LMNTD1: variants seen among roughly 807,000 people sequenced by gnomAD.
LMNTD1 encodes lamin tail domain-containing protein 1.
In LMNTD1, 35 loss-of-function variants were observed where a neutral mutation model predicts 50.9. That is an observed-to-expected ratio of 0.69 (90% confidence interval 0.53 to 0.91). The LOEUF (loss-of-function observed/expected upper bound fraction) is 0.91, where lower values mean the gene tolerates loss of function less well. Among genes scored for constraint, LMNTD1 ranks in the 40% least tolerant of loss-of-function variants. The pLI is 0.00. For missense variants in LMNTD1, 470 were observed against 475.5 expected (o/e 0.99, Z 0.11); for synonymous variants, 153 against 161.9 (o/e 0.94, Z 0.42).
intron 8 of LMNTD1, among the ~76,000 whole-genome samples, chr12:25,512,299 A>C (rs1456229745): frequency 6.6e-6 from 1 of 152,214 alleles, no homozygotes; most frequent in East Asian, 1.9e-4. Flanking sequence ...GCAGCAAAAA[A>C]CGAGACAATA....
At chr12:25,606,032 T>C (rs2136521478) in intron 1 of LMNTD1, among the ~76,000 whole-genome samples, 1 of 152,326 alleles carries the variant, frequency 6.6e-6, no homozygotes, top group East Asian at 1.9e-4. Flanking sequence ...GTAGTTCTCC[T>C]TCAAGAGGTC....
At chr12:25,613,261 C>T (rs1019267678) in intron 1 of LMNTD1, among the ~76,000 whole-genome samples, 3 of 152,200 alleles carry the variant, frequency 2.0e-5, no homozygotes, top group African/African-American at 7.2e-5. Context: ...TCCTGTTCTT[C>T]TTCTAGACTT....
chr12:25,533,080 T>C (rs1333066067), intron 4 of LMNTD1, among the ~76,000 whole-genome samples: 1 of 152,222 alleles, frequency 6.6e-6, no homozygotes, highest in Non-Finnish European at 1.5e-5. Context: ...TTTTATTTTA[T>C]GCATATACAT....
intron 1 of LMNTD1, among the ~76,000 whole-genome samples, chr12:25,608,325 C>A (rs1411951602): frequency 6.6e-6 from 1 of 152,142 alleles, no homozygotes; most frequent in Non-Finnish European, 1.5e-5. Context: ...GCATTTAGCC[C>A]ATTTACATTT....
At chr12:25,576,562 G>C (rs942145273) in intron 1 of LMNTD1, among the ~76,000 whole-genome samples, 3 of 152,104 alleles carry the variant, frequency 2.0e-5, no homozygotes, top group African/African-American at 7.2e-5. Context: ...TTGTAAATTT[G>C]TTTAAGTTCT....
At chr12:25,502,145 G>A (rs1483129761) in intron 9 of LMNTD1, among the ~76,000 whole-genome samples, 1 of 152,044 alleles carries the variant, frequency 6.6e-6, no homozygotes, top group Non-Finnish European at 1.5e-5. Context: ...GATCAACGAA[G>A]GCTAAAAACC....
chr12:25,476,339 T>C lies in LMNTD1; in HGVS notation c.*144A>G, dbSNP rs965485255. The C allele has an allele frequency of 5.3e-5, 8 of 152,216 alleles. No individual in the cohort carries two copies. Among genetic ancestry groups the C allele is most frequent in the African/African-American group, 1.9e-4 (8 of 41,450 alleles). The allele number at this position is 152,216 out of a possible 1,614,324, so 9.4% of individuals were successfully genotyped here. A position where few individuals can be genotyped will look rare whatever the true frequency, so the allele number is the denominator to read the frequency against. On this transcript the variant is annotated 3_prime_UTR_variant, in exon 10 of 10. Coordinates refer to ENST00000458174, the MANE Select transcript of LMNTD1 (RefSeq NM_001145728.2). ...CAGCAATACAAATTTTGGATCCTTT[T>C]TCCATATAGAAATGTGATGTCTTCA...
At position 25,600,292 on chromosome 12, in the gene LMNTD1, C is replaced by G. The variant is rs61313078; in HGVS notation, c.58+48202G>C. Among the ~76,000 whole-genome samples, 1,301 of 151,868 alleles carry G rather than the reference C, an allele frequency of 8.6e-3. 23 individuals are homozygous for G. The highest frequency in any genetic ancestry group is 0.063 in the East Asian group (328 of 5,182). ...CCCTATCTCTCACCACATACAAAAC[C>G]ACAATCAAAATGAATTACGGACTTA... On this transcript the variant is annotated intron_variant, in intron 1 of 7. Coordinates refer to the LMNTD1 transcript ENST00000445693.
At position 25,543,634 on chromosome 12, in the gene LMNTD1, G is replaced by GTT. The variant is rs59112716; in HGVS notation, c.491+2738_491+2739dup. 6.9e-5 allele frequency among the ~76,000 whole-genome samples: 10 copies of GTT among 145,862 alleles called. No individual in the cohort carries two copies. The South Asian group carries it at 1.3e-3, about 19-fold the overall frequency. The stretch of plus-strand genomic sequence containing the variant: ...CTTTTCTTCTACTAATTTTCAGTTT[G>GTT]TTTTTTTTTTCTTGCTTTCCTAGTT... On this transcript the variant is annotated intron_variant, in intron 4 of 9. Transcript: ENST00000458174.
intron 9 of LMNTD1, among the ~76,000 whole-genome samples, chr12:25,490,824 T>C (rs1938858027): frequency 6.6e-6 from 1 of 151,968 alleles, no homozygotes; most frequent in Admixed American, 6.6e-5. Flanking sequence ...AGGAAGAGAG[T>C]TAAAATGTGG....
intron 7 of LMNTD1, among the ~76,000 whole-genome samples, chr12:25,519,600 A>AAAAAAAT (rs1186342427): frequency 6.8e-6 from 1 of 147,098 alleles, no homozygotes; most frequent in Admixed American, 6.8e-5. Context: ...AAAAAAAAAA[A>AAAAAAAT]AAAAAAAAGT....
chr12:25,646,023 G>A (rs115409609), intron 1 of LMNTD1, among the ~76,000 whole-genome samples: 1 of 152,092 alleles, frequency 6.6e-6, no homozygotes, highest in African/African-American at 2.4e-5. Flanking sequence ...ATCCTGGGTT[G>A]GTTATTGCAT....
chr12:25,478,095 G>A (rs770899173), intron 9 of LMNTD1, among the ~76,000 whole-genome samples: 2 of 152,016 alleles, frequency 1.3e-5, no homozygotes, highest in African/African-American at 2.4e-5. Flanking sequence ...ATTAAGGGTG[G>A]GTTTGCCTTT....
Position 25,526,818 on chromosome 12 carries a change from A to G in LMNTD1, c.629T>C (p.Leu210Ser). 1 of 1,612,926 alleles carries G rather than the reference A, an allele frequency of 6.2e-7. No individual in the cohort carries two copies. The highest frequency in any genetic ancestry group is 8.5e-7 in the Non-Finnish European group (1 of 1,179,378). The change falls in exon 5 of 10, where the codon TTG becomes TCG. Residue 210 changes from leucine (L) to serine (S), a missense_variant. Transcript: ENST00000458174. Reference protein sequence around the residue: ...QQNVNGQTISLYRFLPNIVMQ... With the variant: ...QQNVNGQTISSYRFLPNIVMQ... ...TACGATGTTTGGAAGGAATCGGTAC[A>G]AAGAAATGGTTTGTCCATTCACATT...
chr12:25,591,858 A>AGAGG (rs1945710122), intron 1 of LMNTD1, among the ~76,000 whole-genome samples: 1 of 146,020 alleles, frequency 6.8e-6, no homozygotes, highest in Non-Finnish European at 1.5e-5. Context: ...AGAGAGAGAG[A>AGAGG]CTCTATTTAT....
chr12:25,636,503 G>A (rs1337932548), intron 1 of LMNTD1, among the ~76,000 whole-genome samples: 4 of 152,192 alleles, frequency 2.6e-5, no homozygotes, highest in African/African-American at 9.7e-5. Flanking sequence ...CATGGATGCA[G>A]TGATCAGGGA....
intron 6 of LMNTD1, among the ~76,000 whole-genome samples, chr12:25,523,580 A>C (rs1384119036): frequency 1.3e-5 from 2 of 152,204 alleles, no homozygotes; most frequent in Admixed American, 6.5e-5. Flanking sequence ...ATGAGAAGGC[A>C]GTAAATTGTC....
chr12:25,496,653 C>T (rs1181161719), intron 9 of LMNTD1, among the ~76,000 whole-genome samples: 1 of 152,190 alleles, frequency 6.6e-6, no homozygotes, highest in Admixed American at 6.5e-5. Flanking sequence ...GATATCTTCT[C>T]AGAGGCTTGA....
chr12:25,544,279 A>G (rs1444298367), intron 4 of LMNTD1, among the ~76,000 whole-genome samples: 1 of 151,858 alleles, frequency 6.6e-6, no homozygotes, highest in Non-Finnish European at 1.5e-5. Flanking sequence ...TATAATTATT[A>G]TATCTTCTTG....
Sources: allele counts gnomAD v4.1 joint callset (sites outside exome capture counted in the v4.1 genomes callset), GRCh38; gene constraint gnomAD v4.1.1; transcripts MANE v1.5; gene names NCBI Gene and HGNC (gene_info 2026-07-23, HGNC 2026-07-21).